Variants in CUBN observed in about 807,000 individuals in gnomAD.
CUBN encodes 460 kDa receptor.
Under a neutral mutation model 405.3 loss-of-function variants are expected in CUBN, and 282 were observed. That is an observed-to-expected ratio of 0.70 (90% CI 0.63 to 0.77). CUBN has a LOEUF of 0.77. CUBN is among the 30% of genes least tolerant of loss of function. The pLI, the probability that CUBN is intolerant of heterozygous loss-of-function variation, is 0.00. For missense variants in CUBN, 4,514 were observed against 4,475.2 expected, an observed-to-expected ratio of 1.01 and a Z score of -0.25; for synonymous variants, 1,684 against 1,617.0, an observed-to-expected ratio of 1.04 and a Z score of -0.99.
chr10:17,103,064 C>T (rs1836534278), intron 13 of CUBN, 61 bp downstream of exon 13: 1 of 904,722 alleles, frequency 1.1e-6, no homozygotes, highest in Non-Finnish European at 1.8e-6. Flanking sequence ...AAAATATACA[C>T]ATACTCCATA....
chr10:16,835,776 C>T (rs917372573), intron 63 of CUBN, among the ~76,000 whole-genome samples: 5 of 151,850 alleles, frequency 3.3e-5, no homozygotes, highest in African/African-American at 1.2e-4. Flanking sequence ...TTGATTTTTA[C>T]AAAATAATTT....
intron 56 of CUBN, among the ~76,000 whole-genome samples, chr10:16,883,616 A>G (rs1840724954): frequency 6.6e-6 from 1 of 152,194 alleles, no homozygotes. Flanking sequence ...AAAATCTAAA[A>G]CTAATTTTTT....
Position 16,851,244 on chromosome 10 carries a change from A to G in CUBN, c.9654T>C (p.Asp3218=), listed in dbSNP as rs776855397. The change falls in exon 60 of 67, where the codon GAT becomes GAC. Residue 3218 remains aspartate (D), a synonymous_variant. Coordinates refer to ENST00000377833, the MANE Select transcript of CUBN (RefSeq NM_001081.4). The part of the protein sequence containing the change: ...AASTRQRCLY[D]YVKLYDGDSE... ...AATAAAACAGCCTTACCTTTACATAATCATAAAGGCATCTTTGCCTAGTAC... is the reference window on the plus strand; with the variant it reads ...AATAAAACAGCCTTACCTTTACATAGTCATAAAGGCATCTTTGCCTAGTAC... 10 of 1,611,932 alleles carry G rather than the reference A, an allele frequency of 6.2e-6. No individual in the cohort carries two copies. In the South Asian group the frequency reaches 1.1e-4, roughly 18 times the overall value.
chr10:17,032,290 ATT>A (rs1834803307), intron 27 of CUBN, among the ~76,000 whole-genome samples: 1 of 152,126 alleles, frequency 6.6e-6, no homozygotes, highest in Non-Finnish European at 1.5e-5. Context: ...AGGTGTGTGG[ATT>A]ATTATCTTCA....
intron 35 of CUBN, among the ~76,000 whole-genome samples, chr10:16,948,197 A>AG (rs756903986): frequency 5.3e-5 from 8 of 152,224 alleles, no homozygotes; most frequent in Non-Finnish European, 1.0e-4. Context: ...CGACCAAGTG[A>AG]GACTCCATCT....
intron 22 of CUBN, among the ~76,000 whole-genome samples, chr10:17,059,786 T>C (rs1835463891): frequency 6.6e-6 from 1 of 152,222 alleles, no homozygotes; most frequent in Admixed American, 6.5e-5. Context: ...CTTTTCCCTC[T>C]CAGATGACCA....
At chr10:16,885,576 A>G (rs1840788224) in intron 56 of CUBN, among the ~76,000 whole-genome samples, 2 of 152,278 alleles carry the variant, frequency 1.3e-5, no homozygotes, top group East Asian at 3.9e-4. Flanking sequence ...ATTAAGATCC[A>G]TCCTAAATGC....
intron 6 of CUBN, among the ~76,000 whole-genome samples, chr10:17,120,099 T>C (rs1371315211): frequency 6.6e-6 from 1 of 152,196 alleles, no homozygotes; most frequent in African/African-American, 2.4e-5. Context: ...GAGGCTCAAG[T>C]TTTCTTTTAG....
intron 36 of CUBN, among the ~76,000 whole-genome samples, chr10:16,946,298 ATAT>A (rs1842779869): frequency 6.6e-6 from 1 of 152,036 alleles, no homozygotes; most frequent in Admixed American, 6.6e-5. Flanking sequence ...ACTCTAGGAC[ATAT>A]TATTGTTGCT....
chr10:17,115,401 G>A lies in CUBN; in HGVS notation c.720+70C>T. 5 of 1,593,560 alleles carry A rather than the reference G, an allele frequency of 3.1e-6. No individual in the cohort carries two copies. In the South Asian group the frequency reaches 4.4e-5, roughly 14 times the overall value. On this transcript the variant is annotated intron_variant, in intron 7 of 66. Transcript: ENST00000377833. ...GCTCCAGGTAGTGCTTGTATGCAGT[G>A]GGCATAGGAGGAGGAGGAGCTACTA... is the stretch of plus-strand genomic sequence containing the variant.
At chr10:16,957,473 C>G (rs1362519544) in intron 31 of CUBN, among the ~76,000 whole-genome samples, 1 of 152,128 alleles carries the variant, frequency 6.6e-6, no homozygotes, top group Admixed American at 6.6e-5. Flanking sequence ...AGAAGACATA[C>G]AAATGACCAA....
At chr10:17,116,533 C>A (rs1836904784) in intron 6 of CUBN, among the ~76,000 whole-genome samples, 1 of 152,170 alleles carries the variant, frequency 6.6e-6, no homozygotes, top group African/African-American at 2.4e-5. Context: ...TGCCAGGGGT[C>A]AGAGACAAGG....
chr10:16,997,409 T>A (rs1833765210), intron 28 of CUBN, among the ~76,000 whole-genome samples: 1 of 141,322 alleles, frequency 7.1e-6, no homozygotes, highest in Non-Finnish European at 1.5e-5. Context: ...CACTCCAGCC[T>A]GGCAACAGAG....
At chr10:16,937,849 TA>T (rs1350561551) in intron 38 of CUBN, 65 bp from the exon 39 acceptor site, 4 of 1,420,114 alleles carry the variant, frequency 2.8e-6, no homozygotes, top group Admixed American at 1.9e-5. Context: ...AAAGATAAAA[TA>T]AAAAAGATGC....
chr10:17,122,479 C>T (rs767677503), intron 6 of CUBN: 21 of 419,962 alleles, frequency 5.0e-5, no homozygotes, highest in South Asian at 1.7e-4. Context: ...TTCAATGCTC[C>T]GGCTCTTCCT....
chr10:17,035,849 G>A lies in CUBN; in HGVS notation c.4017+5184C>T, dbSNP rs1172462414. Among the ~76,000 whole-genome samples, 3 of 141,306 alleles carry A rather than the reference G, an allele frequency of 2.1e-5. No individual in the cohort carries two copies. The East Asian group carries it at 6.1e-4, about 29-fold the overall frequency. 92.7% of individuals were successfully genotyped at this position (141,306 alleles called of 152,430 possible). A position where few individuals can be genotyped will look rare whatever the true frequency, so the allele number is the denominator to read the frequency against. ...TGGGGCCTACCTGAGGGTGGAGGGT[G>A]GGAGGAGGGAGAGGATCCAAAAAAA... On this transcript the variant is annotated intron_variant, in intron 27 of 66. Transcript: ENST00000377833.
chr10:16,913,917 C>T lies in CUBN; in HGVS notation c.7427G>A (p.Arg2476Gln), dbSNP rs201485176. 2.2e-5 allele frequency: 35 copies of T among 1,613,940 alleles called. No homozygotes were observed. The highest frequency in any genetic ancestry group is 1.6e-4 in the Middle Eastern group (1 of 6,084). ...GGCAGTGATTCTCCACTCGCAGATC[C>T]GGCCATGAGGATTTGGGTTCGGGTA... is the stretch of plus-strand genomic sequence containing the variant. ...PNYPNPNPHG[R>Q]ICEWRITAPE... The change falls in exon 48 of 67, where the codon CGG (arginine) becomes CAG (glutamine). Residue 2476 changes from arginine (R) to glutamine (Q), a missense_variant. Arg to Gln is a conservative substitution (Grantham distance 43). Transcript: ENST00000377833.
intron 28 of CUBN, among the ~76,000 whole-genome samples, chr10:16,996,592 A>G (rs1361781504): frequency 6.6e-6 from 1 of 150,958 alleles, no homozygotes; most frequent in African/African-American, 2.4e-5. Context: ...TCTCCTATGT[A>G]GGTACTATCT....
At chr10:16,965,895 T>C (rs1843378557) in intron 31 of CUBN, 2 of 457,254 alleles carry the variant, frequency 4.4e-6, no homozygotes, top group African/African-American at 4.0e-5. Flanking sequence ...AAAACATACA[T>C]GACTTGCCCA....
Sources: gnomAD v4.1 joint callset for allele counts (sites outside exome capture counted in the v4.1 genomes callset) on GRCh38, gnomAD v4.1.1 for gene constraint, MANE v1.5 for transcripts, NCBI Gene and HGNC (gene_info 2026-07-23, HGNC 2026-07-21) for gene names.